Variants in EML4 observed in about 807,000 individuals in gnomAD.
The protein encoded by EML4 is EMAP like 4.
EML4 carries 72 observed loss-of-function variants against 129.0 expected under a neutral mutation model. The ratio of observed to expected loss-of-function variants is 0.56; its 90% CI spans 0.46 to 0.68. The LOEUF is 0.68. EML4 is among the 30% of genes least tolerant of loss of function. The pLI is 0.00. For missense variants in EML4, 1,363 were observed against 1,190.6 expected (o/e 1.14, Z -2.13); for synonymous variants, 532 against 405.0 (o/e 1.31, Z -3.77).
At chr2:42,200,057 C>G (rs1168453050) in intron 1 of EML4, among the ~76,000 whole-genome samples, 1 of 151,602 alleles carries the variant, frequency 6.6e-6, no homozygotes, top group Non-Finnish European at 1.5e-5. Flanking sequence ...CGCTTGTAAT[C>G]CCAGCACTTT....
chr2:42,169,970 C>A (rs920441599), intron 1 of EML4: 1 of 275,998 alleles, frequency 3.6e-6, no homozygotes, highest in Non-Finnish European at 6.9e-6. Context: ...CTCCACTTAC[C>A]CCCCTTCAGA....
rs907236689 is a variant in EML4, at chr2:42,330,930, A to G, written c.*723A>G. On this transcript the variant is annotated 3_prime_UTR_variant, in exon 23 of 23. Transcript: ENST00000318522. ...GCATTGGTTTGTTAAAGAGCTTTCAATGTATATTAAAACCTTCAATACTCA... is the reference window on the plus strand; with the variant it reads ...GCATTGGTTTGTTAAAGAGCTTTCAGTGTATATTAAAACCTTCAATACTCA... 4.9e-6 allele frequency: 1 copy of G among 204,174 alleles called. No individual in the cohort carries two copies. Among genetic ancestry groups the G allele is most frequent in the Non-Finnish European group, 1.0e-5 (1 of 99,404 alleles). The allele number at this position is 204,174 out of a possible 1,614,324, so 12.6% of individuals were successfully genotyped here.
At position 42,284,652 on chromosome 2, in the gene EML4, C is replaced by G; in HGVS notation, c.960C>G (p.Asp320Glu). 3 of 1,612,176 alleles carry G rather than the reference C, an allele frequency of 1.9e-6. No homozygotes were observed. Among genetic ancestry groups the G allele is most frequent in the South Asian group, 2.2e-5 (2 of 90,790 alleles). The part of the protein sequence containing the change: ...DCVKCLAIHP[D>E]KIRIATGQIA... ...TTTTTAGCCTTGCTATACATCCTGA[C>G]AAAATTAGGATTGCAACTGGACAGA... Residue 320 changes from aspartate to glutamate, a missense_variant, in exon 9 of 23, where the codon GAC becomes GAG. Coordinates refer to ENST00000318522, the MANE Select transcript of EML4 (RefSeq NM_019063.5).
At chr2:42,258,155 G>T (rs184879681) in intron 3 of EML4, among the ~76,000 whole-genome samples, 57 of 152,196 alleles carry the variant, frequency 3.7e-4, no homozygotes, top group African/African-American at 1.1e-3. Flanking sequence ...TTATGATCCA[G>T]GGTCCCTGTA....
Position 42,304,555 on chromosome 2 carries a change from G to A in EML4, c.1967+4G>A, listed in dbSNP as rs775849577. 3 of 1,611,350 alleles carry A rather than the reference G, an allele frequency of 1.9e-6. No individual in the cohort carries two copies. In the East Asian group the frequency reaches 6.7e-5, roughly 36 times the overall value. ...CCATAGGAACGCACTCAGGCAGGTA[G>A]GGTCTTTAAGTGAACTGAGTAATCT... On this transcript the variant is annotated splice_donor_region_variant and intron_variant, in intron 17 of 22. Coordinates refer to ENST00000318522, the MANE Select transcript of EML4 (RefSeq NM_019063.5).
rs758367116 is a variant in EML4 at position 42,264,746 on chromosome 2, C to G, written c.667+15C>G. On this transcript the variant is annotated intron_variant, in intron 6 of 22. Coordinates refer to ENST00000318522, the MANE Select transcript of EML4 (RefSeq NM_019063.5). ...CATCAACCAAGGTAAATTAAAAATC[C>G]TTTTAAAAATTTTATTTTGCCCTTC... 1.4e-6 allele frequency: 2 copies of G among 1,463,488 alleles called. No individual in the cohort carries two copies. The highest frequency in any genetic ancestry group is 2.4e-5 in the South Asian group (2 of 82,820). The allele number at this position is 1,463,488 out of a possible 1,614,324, so 90.7% of individuals were successfully genotyped here. A position where few individuals can be genotyped will look rare whatever the true frequency, so the allele number is the denominator to read the frequency against.
chr2:42,198,793 A>G (rs985167400), intron 1 of EML4, among the ~76,000 whole-genome samples: 2 of 152,188 alleles, frequency 1.3e-5, no homozygotes, highest in South Asian at 2.1e-4. Context: ...TTTGATGACC[A>G]TGGGTTTTTG....
At chr2:42,276,186 A>G (rs1666646277) in intron 6 of EML4, among the ~76,000 whole-genome samples, 1 of 152,176 alleles carries the variant, frequency 6.6e-6, no homozygotes, top group East Asian at 1.9e-4. Context: ...TGTTGTGTGC[A>G]GGCCAAAGGT....
intron 1 of EML4, among the ~76,000 whole-genome samples, chr2:42,230,438 T>G (rs970739084): frequency 1.3e-5 from 2 of 152,194 alleles, no homozygotes; most frequent in Non-Finnish European, 2.9e-5. Context: ...ACAGAGTCTT[T>G]TACTGTTGCA....
intron 1 of EML4, among the ~76,000 whole-genome samples, chr2:42,175,707 C>T (rs1049496571): frequency 2.2e-4 from 33 of 152,038 alleles, no homozygotes; most frequent in African/African-American, 7.5e-4. Context: ...CCATATTGGC[C>T]AAGCTGGTCT....
At chr2:42,295,034 C>G (rs923230130) in intron 11 of EML4, 91 bp from the exon 12 acceptor site, 8 of 1,174,202 alleles carry the variant, frequency 6.8e-6, no homozygotes, top group African/African-American at 1.6e-5. Context: ...AAATCTTGCC[C>G]TATCGTTAAT....
At chr2:42,284,173 T>G (rs17317481) in intron 8 of EML4, among the ~76,000 whole-genome samples, 14,693 of 152,260 alleles carry the variant, frequency 0.096, 922 homozygotes, top group Middle Eastern at 0.2. Context: ...CTGTTTTCTT[T>G]TGTTGAAAAG....
chr2:42,267,777 T>G (rs1406641077), intron 6 of EML4, among the ~76,000 whole-genome samples: 1 of 152,190 alleles, frequency 6.6e-6, no homozygotes, highest in Non-Finnish European at 1.5e-5. Context: ...ACCTATATGT[T>G]TATACCCTGA....
At chr2:42,217,038 TTTG>T (rs1185570299) in intron 1 of EML4, among the ~76,000 whole-genome samples, 1 of 152,216 alleles carries the variant, frequency 6.6e-6, no homozygotes, top group East Asian at 1.9e-4. Flanking sequence ...ATAAAACATT[TTTG>T]TTAAGTAAAT....
intron 1 of EML4, among the ~76,000 whole-genome samples, chr2:42,215,683 C>A (rs528142168): frequency 5.3e-5 from 8 of 152,252 alleles, no homozygotes; most frequent in Admixed American, 3.9e-4. Flanking sequence ...AAGTAAGTTG[C>A]GGGTACTCAG....
chr2:42,170,270 G>A (rs1670190864), intron 1 of EML4: 1 of 152,300 alleles, frequency 6.6e-6, no homozygotes, highest in Admixed American at 6.5e-5. Context: ...TAGAAGCATC[G>A]GAGCATCATT....
intron 1 of EML4, among the ~76,000 whole-genome samples, chr2:42,214,245 A>G (rs1673046904): frequency 6.6e-6 from 1 of 152,206 alleles, no homozygotes; most frequent in Non-Finnish European, 1.5e-5. Context: ...TATGTCTAGT[A>G]CATTTACTCA....
chr2:42,201,584 G>A (rs1280726224), intron 1 of EML4, among the ~76,000 whole-genome samples: 1 of 152,146 alleles, frequency 6.6e-6, no homozygotes, highest in Non-Finnish European at 1.5e-5. Context: ...CAATAGCAAG[G>A]ATATGGAAAC....
chr2:42,198,655 A>T (rs1300657083), intron 1 of EML4, among the ~76,000 whole-genome samples: 1 of 152,262 alleles, frequency 6.6e-6, no homozygotes, highest in Non-Finnish European at 1.5e-5. Context: ...AAGTGAGGAC[A>T]CATTCTGAGA....
Sources: allele counts gnomAD v4.1 joint callset (sites outside exome capture counted in the v4.1 genomes callset), GRCh38; gene constraint gnomAD v4.1.1; transcripts MANE v1.5; gene names NCBI Gene and HGNC (gene_info 2026-07-23, HGNC 2026-07-21).